CFH: variants seen among roughly 807,000 people sequenced by gnomAD.
CFH encodes the protein H factor 1 (complement).
Under a neutral mutation model 147.3 loss-of-function variants are expected in CFH, and 53 were observed. That is an observed-to-expected ratio of 0.36 (90% CI 0.29 to 0.45). The LOEUF (loss-of-function observed/expected upper bound fraction) is 0.45. Among genes scored for constraint, CFH ranks in the 20% least tolerant of loss-of-function variants. The probability of loss-of-function intolerance (pLI) is 1.00; values close to 1 mark genes in which losing one functional copy is unlikely to be tolerated. For missense variants in CFH, 1,380 were observed against 1,498.0 expected, an observed-to-expected ratio of 0.92 and a Z score of 1.30; for synonymous variants, 536 against 489.4, an observed-to-expected ratio of 1.10 and a Z score of -1.26.
rs542839114 is a variant in CFH at position 196,689,689 on chromosome 1, T to C, written c.1159+75T>C. 103 of 1,483,766 alleles carry C rather than the reference T, an allele frequency of 6.9e-5. 2 individuals carry two copies. The South Asian group carries it at 1.1e-3, about 16-fold the overall frequency. The allele number at this position is 1,483,766 out of a possible 1,614,324, so 91.9% of individuals were successfully genotyped here. On this transcript the variant is annotated intron_variant, in intron 8 of 21. Coordinates refer to ENST00000367429, the MANE Select transcript of CFH (RefSeq NM_000186.4). ...CGAAGAAAGGAGAGCACATAAGTGA[T>C]TACACCTGTCTTATGTAACAGAAAT...
intron 1 of CFH, among the ~76,000 whole-genome samples, chr1:196,660,639 TC>T (rs1435890940): frequency 6.6e-6 from 1 of 152,142 alleles, no homozygotes; most frequent in Non-Finnish European, 1.5e-5. Flanking sequence ...ACAAGCAGAA[TC>T]AAAAGATGCC....
At chr1:196,682,167 G>A (rs920581155) in intron 6 of CFH, among the ~76,000 whole-genome samples, 2 of 151,640 alleles carry the variant, frequency 1.3e-5, no homozygotes, top group African/African-American at 4.8e-5. Context: ...ACAATCAAAG[G>A]TACGAAGAAC....
At position 196,679,875 on chromosome 1, in the gene CFH, A is replaced by G. The variant is rs571092741; in HGVS notation, c.790+82A>G. The stretch of plus-strand genomic sequence containing the variant: ...TCTTTTAATAAATCCACTTATTTTA[A>G]TCAAAAGTAGAGTGCTAATTTATGT... On this transcript the variant is annotated intron_variant, in intron 6 of 21. Coordinates refer to ENST00000367429, the MANE Select transcript of CFH (RefSeq NM_000186.4). 6.3e-6 allele frequency: 8 copies of G among 1,269,584 alleles called. No homozygotes were observed. In the South Asian group the frequency reaches 9.3e-5, roughly 15 times the overall value. The allele number at this position is 1,269,584 out of a possible 1,614,324, so 78.6% of individuals were successfully genotyped here.
At chr1:196,666,612 C>T (rs900677137) in intron 1 of CFH, among the ~76,000 whole-genome samples, 4 of 150,366 alleles carry the variant, frequency 2.7e-5, no homozygotes, top group Non-Finnish European at 5.9e-5. Flanking sequence ...TCCTGGCTAA[C>T]ACGGTGAAAC....
intron 6 of CFH, among the ~76,000 whole-genome samples, chr1:196,680,327 A>C (rs910515672): frequency 6.6e-6 from 1 of 151,482 alleles, no homozygotes; most frequent in African/African-American, 2.4e-5. Flanking sequence ...AAAAAAAAAA[A>C]ACCTCTCAAC....
intron 9 of CFH, among the ~76,000 whole-genome samples, chr1:196,693,800 C>T (rs543392559): frequency 2.2e-4 from 34 of 152,112 alleles, no homozygotes; most frequent in South Asian, 1.7e-3. Context: ...TCATGTATCA[C>T]GGTCTGTTAA....
intron 6 of CFH, among the ~76,000 whole-genome samples, chr1:196,683,812 A>T (rs1308139244): frequency 6.6e-6 from 1 of 151,938 alleles, no homozygotes; most frequent in East Asian, 1.9e-4. Flanking sequence ...GTTTTGTGTG[A>T]ATGGAGACTT....
intron 9 of CFH, among the ~76,000 whole-genome samples, chr1:196,705,204 T>A (rs1284274333): frequency 6.6e-6 from 1 of 151,826 alleles, no homozygotes; most frequent in Non-Finnish European, 1.5e-5. Flanking sequence ...CTTTACATTT[T>A]TTTTTTGTCT....
intron 1 of CFH, among the ~76,000 whole-genome samples, chr1:196,671,629 G>A (rs1046641447): frequency 4.9e-5 from 6 of 121,278 alleles, no homozygotes; most frequent in African/African-American, 1.9e-4. Flanking sequence ...CACACACAGA[G>A]TATATACATA....
rs1221868049 is a variant in CFH, at chr1:196,737,486, T to C, written c.2608T>C (p.Cys870Arg). The change falls in exon 17 of 22, where the codon TGT (cysteine) becomes CGT (arginine). Residue 870 changes from cysteine to arginine, a missense_variant. Around this residue, in one of 4 missense-constraint regions of CFH, gnomAD observed 830 missense variants for 821.4 expected, o/e 1.01. Transcript: ENST00000367429. ...SIPLCVEKIP[C>R]SQPPQIEHGT... ...CATTCTTCATTTAGAAAAAATTCCATGTTCACAACCACCTCAGATAGAACA... is the reference window on the plus strand; with the variant it reads ...CATTCTTCATTTAGAAAAAATTCCACGTTCACAACCACCTCAGATAGAACA... 1.2e-6 allele frequency: 2 copies of C among 1,612,090 alleles called. No homozygotes were observed. Among genetic ancestry groups the C allele is most frequent in the East Asian group, 2.2e-5 (1 of 44,730 alleles).
chr1:196,701,899 C>T (rs1306692418), intron 9 of CFH, among the ~76,000 whole-genome samples: 2 of 152,030 alleles, frequency 1.3e-5, no homozygotes, highest in Non-Finnish European at 2.9e-5. Flanking sequence ...ACCTTAATAC[C>T]CACTGGATTT....
In CFH at chr1:196,722,364, T is replaced by C. The variant is rs1044079371; in HGVS notation, c.1697-2757T>C. 6.6e-5 allele frequency among the ~76,000 whole-genome samples: 10 copies of C among 152,274 alleles called. 1 individual carries two copies. The highest frequency in any genetic ancestry group is 8.8e-5 in the Non-Finnish European group (6 of 67,994). ...CAAAATATATCTCTAATATATGTTT[T>C]TTCAATAAATATGAACTAATCTTTC... On this transcript the variant is annotated intron_variant, in intron 11 of 21. Transcript: ENST00000367429.
At chr1:196,717,224 T>C (rs993976533) in intron 11 of CFH, among the ~76,000 whole-genome samples, 2 of 152,140 alleles carry the variant, frequency 1.3e-5, no homozygotes, top group Non-Finnish European at 2.9e-5. Flanking sequence ...TGGGCATGTA[T>C]CTTTGGCCAA....
At position 196,726,596 on chromosome 1, in the gene CFH, G is replaced by T; in HGVS notation, c.2000G>T (p.Gly667Val). The part of the protein sequence containing the change: ...YYCNPRFLMK[G>V]PNKIQCVDGE... The stretch of plus-strand genomic sequence containing the variant: ...TGCAATCCTAGATTTCTAATGAAGG[G>T]ACCTAATAAAATTCAATGTGTTGAT... The change falls in exon 13 of 22, where the codon GGA becomes GTA. Residue 667 changes from glycine (G) to valine (V), a missense_variant. Coordinates refer to ENST00000367429, the MANE Select transcript of CFH (RefSeq NM_000186.4). 6.2e-7 allele frequency: 1 copy of T among 1,612,334 alleles called. No individual in the cohort carries two copies. The highest frequency in any genetic ancestry group is 1.1e-5 in the South Asian group (1 of 91,032).
Position 196,730,661 on chromosome 1 carries a change from G to A in CFH, c.2413+2139G>A, listed in dbSNP as rs187262726. On this transcript the variant is annotated intron_variant, in intron 15 of 21. Transcript: ENST00000367429. ...TTCTGTCTGGATGATCTGTCTCAAC[G>A]TTGAAAGTAAAATATTGATATCCCC... Among the ~76,000 whole-genome samples, 840 of 151,746 alleles carry A rather than the reference G, an allele frequency of 5.5e-3. 7 individuals are homozygous for A. The highest frequency in any genetic ancestry group is 0.018 in the African/African-American group (757 of 41,474).
chr1:196,699,773 TC>T (rs922792093), intron 9 of CFH, among the ~76,000 whole-genome samples: 33 of 152,182 alleles, frequency 2.2e-4, no homozygotes, highest in African/African-American at 7.5e-4. Context: ...TTGCCTTTGC[TC>T]CTTTTTTAAA....
chr1:196,703,255 G>A (rs203688), intron 9 of CFH, among the ~76,000 whole-genome samples: 105,066 of 152,000 alleles, frequency 0.69, 37,044 homozygotes, highest in East Asian at 0.95. Flanking sequence ...GGCCCCCAAA[G>A]GCCAATAAAA....
intron 9 of CFH, among the ~76,000 whole-genome samples, chr1:196,705,203 T>A (rs1318217882): frequency 6.6e-6 from 1 of 151,708 alleles, no homozygotes; most frequent in Non-Finnish European, 1.5e-5. Flanking sequence ...GCTTTACATT[T>A]TTTTTTTGTC....
At chr1:196,722,888 T>C (rs1669033559) in intron 11 of CFH, among the ~76,000 whole-genome samples, 1 of 152,072 alleles carries the variant, frequency 6.6e-6, no homozygotes, top group African/African-American at 2.4e-5. Flanking sequence ...TTCAACTATA[T>C]TTTGTAATTC....
Sources: allele counts gnomAD v4.1 joint callset (sites outside exome capture counted in the v4.1 genomes callset), GRCh38; gene constraint gnomAD v4.1.1; regional missense constraint gnomAD v4.1.1; transcripts MANE v1.5; gene names NCBI Gene and HGNC (gene_info 2026-07-23, HGNC 2026-07-21).